RALGAPA1: variants seen among roughly 807,000 people sequenced by gnomAD.
RALGAPA1 encodes ral GTPase-activating protein subunit alpha-1.
A neutral mutation model predicts 269.6 loss-of-function variants in RALGAPA1; 52 were observed. That is an observed-to-expected ratio of 0.19 (90% CI 0.15 to 0.24). The LOEUF is 0.24. Ranked by LOEUF, RALGAPA1 falls within the 10% of genes least tolerant of loss-of-function variation. The probability of loss-of-function intolerance (pLI) is 1.00; values close to 1 mark genes in which losing one functional copy is unlikely to be tolerated. For missense variants in RALGAPA1, 1,917 were observed against 3,013.9 expected, an observed-to-expected ratio of 0.64 and a Z score of 8.52; for synonymous variants, 817 against 1,008.3, an observed-to-expected ratio of 0.81 and a Z score of 3.60.
At chr14:35,544,157 T>C (rs781086025) in intron 41 of RALGAPA1, among the ~76,000 whole-genome samples, 10 of 152,220 alleles carry the variant, frequency 6.6e-5, no homozygotes, top group Non-Finnish European at 1.3e-4. Flanking sequence ...AAATCCAGAT[T>C]AGTTTGATTC....
intron 39 of RALGAPA1, among the ~76,000 whole-genome samples, chr14:35,567,295 A>G (rs1256921184): frequency 1.3e-5 from 2 of 152,136 alleles, no homozygotes; most frequent in African/African-American, 4.8e-5. Flanking sequence ...CTACCAATCA[A>G]CCAAACATAA....
chr14:35,704,759 A>G (rs1447083794), intron 16 of RALGAPA1, among the ~76,000 whole-genome samples: 3 of 152,150 alleles, frequency 2.0e-5, no homozygotes, highest in Admixed American at 6.5e-5. Context: ...CAGGTAATTC[A>G]AAGTCATAGG....
chr14:35,684,017 C>A, intron 20 of RALGAPA1, 32 bp from the exon 21 acceptor site: 1 of 1,552,020 alleles, frequency 6.4e-7, no homozygotes, highest in Non-Finnish European at 8.8e-7. Context: ...TTATATGAGT[C>A]CCAATTACAA....
Position 35,794,032 on chromosome 14 carries a change from T to C in RALGAPA1, c.106+14698A>G, listed in dbSNP as rs999732205. Among the ~76,000 whole-genome samples, 20 of 152,310 alleles carry C rather than the reference T, an allele frequency of 1.3e-4. No individual in the cohort carries two copies. In the South Asian group the frequency reaches 2.9e-3, roughly 22 times the overall value. On this transcript the variant is annotated intron_variant, in intron 1 of 41. Coordinates refer to ENST00000680220, the MANE Select transcript of RALGAPA1 (RefSeq NM_001346249.2). ...AGTAAATCAATTCTTCATAAATATATAAAGTAGTTCAATGAGGTCAAGTTC... is the reference window on the plus strand; with the variant it reads ...AGTAAATCAATTCTTCATAAATATACAAAGTAGTTCAATGAGGTCAAGTTC...
chr14:35,688,314 TG>T, intron 18 of RALGAPA1, 144 bp downstream of exon 18: 2 of 827,748 alleles, frequency 2.4e-6, no homozygotes, highest in African/African-American at 3.4e-5. Flanking sequence ...AAAATACAGC[TG>T]GGAAAAGGCG....
At chr14:35,742,774 A>G (rs1234658660) in intron 10 of RALGAPA1, among the ~76,000 whole-genome samples, 1 of 152,144 alleles carries the variant, frequency 6.6e-6, no homozygotes, top group African/African-American at 2.4e-5. Flanking sequence ...AAAAAAAAAA[A>G]AAAAAATCAC....
intron 16 of RALGAPA1, among the ~76,000 whole-genome samples, chr14:35,708,921 A>G (rs1165960377): frequency 6.6e-6 from 1 of 152,232 alleles, no homozygotes; most frequent in Non-Finnish European, 1.5e-5. Flanking sequence ...AACCATAAAA[A>G]AGAATGAGAT....
chr14:35,671,314 G>A, intron 26 of RALGAPA1, 75 bp downstream of exon 26: 1 of 1,339,010 alleles, frequency 7.5e-7, no homozygotes, highest in Non-Finnish European at 1.0e-6. Context: ...TTATCAGCTT[G>A]TTATGTTTTA....
At chr14:35,715,800 C>A (rs2068766096) in intron 16 of RALGAPA1, 1 of 985,250 alleles carries the variant, frequency 1.0e-6, no homozygotes, top group Non-Finnish European at 1.2e-6. Context: ...AAGTCTCAGT[C>A]TGAATCCCAG....
chr14:35,637,469 A>T (rs10133920), intron 31 of RALGAPA1, among the ~76,000 whole-genome samples: 1 of 152,098 alleles, frequency 6.6e-6, no homozygotes, highest in Non-Finnish European at 1.5e-5. Flanking sequence ...AGAACGGATA[A>T]TGCAGAAAAA....
Position 35,595,371 on chromosome 14 carries a change from C to T in RALGAPA1, c.7209+263G>A, listed in dbSNP as rs563006033. ...AACCGTTTTATTATCTATATGTATC[C>T]CACAACATTTCATGTTGTAAACCCT... On this transcript the variant is annotated intron_variant, in intron 37 of 41. Transcript: ENST00000680220. Among the ~76,000 whole-genome samples the T allele has an allele frequency of 3.9e-5, 6 of 151,992 alleles. No homozygotes were observed. In the South Asian group the frequency reaches 1.2e-3, roughly 32 times the overall value.
intron 4 of RALGAPA1, among the ~76,000 whole-genome samples, chr14:35,767,386 C>A (rs1187102847): frequency 6.6e-6 from 1 of 152,016 alleles, no homozygotes; most frequent in Non-Finnish European, 1.5e-5. Flanking sequence ...ATGGTTACAT[C>A]TTAAAAAAAC....
chr14:35,677,900 C>T, intron 22 of RALGAPA1, 50 bp downstream of exon 22: 1 of 1,545,918 alleles, frequency 6.5e-7, no homozygotes, highest in Non-Finnish European at 8.9e-7. Context: ...GATCTCCTGA[C>T]ACTGACGCCC....
intron 41 of RALGAPA1, among the ~76,000 whole-genome samples, chr14:35,543,261 T>C (rs955954145): frequency 6.6e-6 from 1 of 152,182 alleles, no homozygotes; most frequent in African/African-American, 2.4e-5. Context: ...TGCAAAGATA[T>C]TGGCACATAG....
chr14:35,787,499 A>T (rs1232693516), intron 1 of RALGAPA1, among the ~76,000 whole-genome samples: 2 of 152,206 alleles, frequency 1.3e-5, no homozygotes, highest in Non-Finnish European at 2.9e-5. Context: ...AGGAAAGAGT[A>T]ATTGTTGCTA....
At chr14:35,748,917 C>A (rs1440895763) in intron 9 of RALGAPA1, 93 bp from the exon 10 acceptor site, 2 of 1,408,556 alleles carry the variant, frequency 1.4e-6, no homozygotes, top group South Asian at 1.7e-5. Flanking sequence ...TGACAAAATC[C>A]AAAACATTTC....
intron 17 of RALGAPA1, among the ~76,000 whole-genome samples, chr14:35,691,355 T>A (rs528546012): frequency 1.2e-4 from 18 of 152,154 alleles, no homozygotes; most frequent in Non-Finnish European, 2.4e-4. Context: ...TCCATCATGG[T>A]CTGTAAGTTA....
At chr14:35,629,970 T>C in intron 33 of RALGAPA1, among the ~76,000 whole-genome samples, 1 of 151,130 alleles carries the variant, frequency 6.6e-6, no homozygotes, top group East Asian at 1.9e-4. Flanking sequence ...TCAATAAACC[T>C]AACTTTAAAA....
chr14:35,766,273 TA>T, intron 4 of RALGAPA1: 1 of 828,314 alleles, frequency 1.2e-6, no homozygotes, highest in Non-Finnish European at 2.1e-6. Flanking sequence ...GTCTTGGGTG[TA>T]CTGGCTGAAC....
Sources: gnomAD v4.1 joint callset for allele counts (sites outside exome capture counted in the v4.1 genomes callset) on GRCh38, gnomAD v4.1.1 for gene constraint, MANE v1.5 for transcripts, NCBI Gene and HGNC (gene_info 2026-07-23, HGNC 2026-07-21) for gene names.